The following ANO10 variants were observed in gnomAD, a reference collection of about 807,000 sequenced individuals.
ANO10 encodes anoctamin-10.
A neutral mutation model predicts 74.7 loss-of-function variants in ANO10; 77 were observed. The observed-to-expected ratio is 1.03, with a 90% confidence interval of 0.86 to 1.25. The LOEUF is 1.25. Ranked by LOEUF, ANO10 falls within the 50% of genes most tolerant of loss-of-function variation. The probability of loss-of-function intolerance (pLI) is 0.00; values close to 1 mark genes in which losing one functional copy is unlikely to be tolerated. For missense variants in ANO10, 721 were observed against 778.1 expected (o/e 0.93, Z 0.87); for synonymous variants, 279 against 284.9 (o/e 0.98, Z 0.21).
chr3:43,553,650 C>T lies in ANO10; in HGVS notation c.1668+1628G>A, dbSNP rs1042463062. Among the ~76,000 whole-genome samples, 4 of 151,940 alleles carry T rather than the reference C, an allele frequency of 2.6e-5. No individual in the cohort carries two copies. In the East Asian group the frequency reaches 7.8e-4, roughly 29 times the overall value. On this transcript the variant is annotated intron_variant, in intron 10 of 12. Coordinates refer to ENST00000292246, the MANE Select transcript of ANO10 (RefSeq NM_018075.5). Reference sequence around the variant, plus strand: ...TCCCAGGTTCAAGTGATTCTCCTGCCTCAGCCTCCCAAGTAGCTGGGATTA... The same window carrying T: ...TCCCAGGTTCAAGTGATTCTCCTGCTTCAGCCTCCCAAGTAGCTGGGATTA...
intron 1 of ANO10, among the ~76,000 whole-genome samples, chr3:43,654,867 G>A (rs763099612): frequency 1.3e-5 from 2 of 152,140 alleles, no homozygotes; most frequent in Non-Finnish European, 2.9e-5. Flanking sequence ...CTTGGATTTT[G>A]TACCTTATGT....
intron 11 of ANO10, among the ~76,000 whole-genome samples, chr3:43,515,621 A>C (rs1370769718): frequency 6.6e-6 from 1 of 152,200 alleles, no homozygotes; most frequent in Non-Finnish European, 1.5e-5. Flanking sequence ...CAGATTGATG[A>C]GTAAGAAGAA....
rs1480591137 is a variant in ANO10 at position 43,509,121 on chromosome 3, G to A, written c.1797+40599C>T. ...TTCTGAGCAAACTATTGCAAGGACA[G>A]AAAACCAAACACCGCATGTTCTCAG... On this transcript the variant is annotated intron_variant, in intron 11 of 12. Transcript: ENST00000292246. Among the ~76,000 whole-genome samples, 5 of 147,568 alleles carry A rather than the reference G, an allele frequency of 3.4e-5. No homozygotes were observed. In the East Asian group the frequency reaches 6.3e-4, roughly 19 times the overall value.
chr3:43,381,302 CT>C, intron 12 of ANO10, among the ~76,000 whole-genome samples: 1 of 152,156 alleles, frequency 6.6e-6, no homozygotes, highest in African/African-American at 2.4e-5. Context: ...AACCAAGTAT[CT>C]GCTGCTGCCT....
Position 43,566,265 on chromosome 3 carries a change from G to A in ANO10, c.1219-538C>T, listed in dbSNP as rs1001184840. Reference sequence around the variant, plus strand: ...GCGGCAGCGAGGCTGGGGGAGGGGCGCCCGCCATTGCCCAGGCTTGATTAG... The same window carrying A: ...GCGGCAGCGAGGCTGGGGGAGGGGCACCCGCCATTGCCCAGGCTTGATTAG... On this transcript the variant is annotated intron_variant, in intron 7 of 12. Coordinates refer to ENST00000292246, the MANE Select transcript of ANO10 (RefSeq NM_018075.5). 5.3e-5 allele frequency among the ~76,000 whole-genome samples: 8 copies of A among 152,072 alleles called. No homozygotes were observed. The South Asian group carries it at 8.3e-4, about 16-fold the overall frequency.
At chr3:43,536,000 T>A (rs2078694271) in intron 11 of ANO10, among the ~76,000 whole-genome samples, 2 of 152,200 alleles carry the variant, frequency 1.3e-5, no homozygotes, top group Admixed American at 6.5e-5. Flanking sequence ...GTTATCCAAT[T>A]GACAAATTAA....
At chr3:43,398,751 T>C (rs1172169466) in intron 12 of ANO10, among the ~76,000 whole-genome samples, 2 of 152,246 alleles carry the variant, frequency 1.3e-5, no homozygotes, top group Non-Finnish European at 2.9e-5. Flanking sequence ...TTCCGCCTCT[T>C]TGAAATTGCA....
At chr3:43,528,654 G>A (rs2078317363) in intron 11 of ANO10, among the ~76,000 whole-genome samples, 1 of 151,968 alleles carries the variant, frequency 6.6e-6, no homozygotes, top group Non-Finnish European at 1.5e-5. Flanking sequence ...AAAAATATGT[G>A]TCAAAATGAA....
chr3:43,403,703 C>T (rs1401694916), intron 12 of ANO10, among the ~76,000 whole-genome samples: 3 of 152,234 alleles, frequency 2.0e-5, no homozygotes, highest in African/African-American at 7.2e-5. Context: ...AGATTAGCCA[C>T]ACTTTATTTT....
intron 12 of ANO10, among the ~76,000 whole-genome samples, chr3:43,402,399 C>T (rs73831291): frequency 0.023 from 3,572 of 152,202 alleles, 144 homozygotes; most frequent in African/African-American, 0.081. Context: ...GTTTCTTTCC[C>T]CTACATGTAT....
chr3:43,523,586 A>G (rs985671144), intron 11 of ANO10, among the ~76,000 whole-genome samples: 9 of 152,196 alleles, frequency 5.9e-5, no homozygotes, highest in African/African-American at 1.7e-4. Context: ...TAGATGAAAC[A>G]ACCACCTGGA....
intron 11 of ANO10, among the ~76,000 whole-genome samples, chr3:43,530,755 A>G (rs572150109): frequency 2.0e-4 from 30 of 152,296 alleles, no homozygotes; most frequent in Non-Finnish European, 3.1e-4. Context: ...TATCAATTAA[A>G]CTTTATCATA....
At chr3:43,610,573 G>C (rs1457545743) in intron 1 of ANO10, among the ~76,000 whole-genome samples, 1 of 152,184 alleles carries the variant, frequency 6.6e-6, no homozygotes, top group African/African-American at 2.4e-5. Flanking sequence ...GATGTCAGCA[G>C]GTGACACGAA....
chr3:43,397,717 G>A (rs977920693), intron 12 of ANO10, among the ~76,000 whole-genome samples: 2 of 152,134 alleles, frequency 1.3e-5, no homozygotes, highest in Non-Finnish European at 2.9e-5. Context: ...GATCTCTGGG[G>A]TTATCTCTCC....
chr3:43,631,522 A>G (rs2083547108), intron 1 of ANO10, among the ~76,000 whole-genome samples: 1 of 152,144 alleles, frequency 6.6e-6, no homozygotes, highest in South Asian at 2.1e-4. Flanking sequence ...CTATTAGCAA[A>G]AGCCAAGTTA....
At chr3:43,540,235 G>C (rs774360115) in intron 11 of ANO10, among the ~76,000 whole-genome samples, 2 of 152,150 alleles carry the variant, frequency 1.3e-5, no homozygotes, top group Non-Finnish European at 2.9e-5. Flanking sequence ...ACACTAATTT[G>C]CAAATCTTTT....
intron 12 of ANO10, among the ~76,000 whole-genome samples, chr3:43,369,505 A>T (rs2091530303): frequency 6.6e-6 from 1 of 152,234 alleles, no homozygotes; most frequent in African/African-American, 2.4e-5. Flanking sequence ...TGAATGACCA[A>T]GCCTCACTGG....
rs962125622 is a variant in ANO10 at position 43,413,742 on chromosome 3, G to A, written c.1914+18869C>T. 2.7e-5 allele frequency among the ~76,000 whole-genome samples: 4 copies of A among 150,658 alleles called. No individual in the cohort carries two copies. The South Asian group carries it at 6.4e-4, about 24-fold the overall frequency. ...TTATGATCATCAACAGCGGCAGACCGTTTTCTTCAGAGAACAGTGACAAAT... is the reference window on the plus strand; with the variant it reads ...TTATGATCATCAACAGCGGCAGACCATTTTCTTCAGAGAACAGTGACAAAT... On this transcript the variant is annotated intron_variant, in intron 12 of 12. Coordinates refer to ENST00000292246, the MANE Select transcript of ANO10 (RefSeq NM_018075.5).
chr3:43,580,574 C>T, intron 4 of ANO10, 102 bp from the exon 5 acceptor site: 1 of 1,445,200 alleles, frequency 6.9e-7, no homozygotes, highest in Non-Finnish European at 9.5e-7. Flanking sequence ...GAGTACAACG[C>T]AAAGGTCAAT....
Sources: allele counts gnomAD v4.1 joint callset (sites outside exome capture counted in the v4.1 genomes callset), GRCh38; gene constraint gnomAD v4.1.1; transcripts MANE v1.5; gene names NCBI Gene and HGNC (gene_info 2026-07-23, HGNC 2026-07-21).